The following CCNY variants were observed in gnomAD, a reference collection of about 807,000 sequenced individuals.
CCNY encodes cyclin-Y.
A neutral mutation model predicts 42.8 loss-of-function variants in CCNY; 19 were observed. That is an observed-to-expected ratio of 0.44 (90% CI 0.31 to 0.65). CCNY has a LOEUF of 0.65. Among genes scored for constraint, CCNY ranks in the 30% least tolerant of loss-of-function variants. The pLI, the probability that CCNY is intolerant of heterozygous loss-of-function variation, is 0.07. For synonymous variants in CCNY, 165 were observed against 162.7 expected (o/e 1.01, Z -0.11); for missense variants, 370 against 437.3 (o/e 0.85, Z 1.37).
chr10:35,292,066 G>A (rs574904728), intron 3 of CCNY, among the ~76,000 whole-genome samples: 17 of 152,264 alleles, frequency 1.1e-4, no homozygotes, highest in Admixed American at 2.0e-4. Flanking sequence ...CCTAGTGGGC[G>A]TGAAGTGCCA....
intron 7 of CCNY, among the ~76,000 whole-genome samples, chr10:35,550,874 C>T (rs935361156): frequency 2.0e-5 from 3 of 152,226 alleles, no homozygotes; most frequent in South Asian, 4.2e-4. Context: ...GTTCTTAAGC[C>T]TCCCCCAGGT....
intron 3 of CCNY, among the ~76,000 whole-genome samples, chr10:35,326,606 C>A (rs2135100573): frequency 6.6e-6 from 1 of 152,260 alleles, no homozygotes; most frequent in East Asian, 1.9e-4. Context: ...GGATCAGAAC[C>A]ATTGCTTCTA....
intron 3 of CCNY, among the ~76,000 whole-genome samples, chr10:35,506,644 A>G (rs1001629615): frequency 1.3e-5 from 2 of 152,194 alleles, no homozygotes; most frequent in Non-Finnish European, 2.9e-5. Flanking sequence ...GTCCATTCAA[A>G]TACAGGGCAG....
chr10:35,264,747 C>T (rs568319263), intron 3 of CCNY, among the ~76,000 whole-genome samples: 2 of 152,076 alleles, frequency 1.3e-5, no homozygotes, highest in African/African-American at 4.8e-5. Context: ...CTCAGCCTCC[C>T]AGGTTCAAGT....
At chr10:35,370,749 A>G (rs1328629060) in intron 1 of CCNY, among the ~76,000 whole-genome samples, 1 of 151,322 alleles carries the variant, frequency 6.6e-6, no homozygotes, top group Non-Finnish European at 1.5e-5. Flanking sequence ...GGAGTCTCGC[A>G]CTTTCGCCCA....
At chr10:35,504,289 T>C (rs1191851846) in intron 3 of CCNY, among the ~76,000 whole-genome samples, 1 of 152,222 alleles carries the variant, frequency 6.6e-6, no homozygotes, top group African/African-American at 2.4e-5. Context: ...AAGGCTTTCC[T>C]GGTTTCCAGC....
chr10:35,481,509 G>T (rs773504377), intron 1 of CCNY, among the ~76,000 whole-genome samples: 1 of 152,130 alleles, frequency 6.6e-6, no homozygotes, highest in Non-Finnish European at 1.5e-5. Context: ...AATAAAAGTG[G>T]GTCTTAAAGA....
At chr10:35,315,769 G>C (rs1835753137) in intron 3 of CCNY, among the ~76,000 whole-genome samples, 2 of 151,876 alleles carry the variant, frequency 1.3e-5, no homozygotes, top group South Asian at 4.2e-4. Flanking sequence ...TTATTTTTTT[G>C]ACTTTTTAGT....
At chr10:35,362,243 C>CAGA (rs1214581427) in intron 1 of CCNY, among the ~76,000 whole-genome samples, 1 of 152,130 alleles carries the variant, frequency 6.6e-6, no homozygotes, top group Non-Finnish European at 1.5e-5. Context: ...CTATGTTGTA[C>CAGA]AGAAGTAGGT....
At chr10:35,505,501 CAGCTA>C (rs1840197940) in intron 3 of CCNY, among the ~76,000 whole-genome samples, 1 of 152,046 alleles carries the variant, frequency 6.6e-6, no homozygotes, top group Non-Finnish European at 1.5e-5. Flanking sequence ...AGTTACTTAT[CAGCTA>C]AGCAAGAGTC....
rs758143772 is a variant in CCNY, at chr10:35,337,220, C to T, written c.154+13C>T. 8 of 1,511,300 alleles carry T rather than the reference C, an allele frequency of 5.3e-6. No individual in the cohort carries two copies. The highest frequency in any genetic ancestry group is 7.1e-6 in the Non-Finnish European group (8 of 1,125,562). 93.6% of individuals were successfully genotyped at this position (1,511,300 alleles called of 1,614,324 possible). Reference sequence around the variant, plus strand: ...GAGAACATAGACGGTGAGTGCGGCCCGCCGAGCCCCCTACCCGCCCCCGCG... The same window carrying T: ...GAGAACATAGACGGTGAGTGCGGCCTGCCGAGCCCCCTACCCGCCCCCGCG... On this transcript the variant is annotated intron_variant, in intron 1 of 9. Transcript: ENST00000374704.
intron 3 of CCNY, among the ~76,000 whole-genome samples, chr10:35,309,058 T>G (rs1835650375): frequency 6.6e-6 from 1 of 152,054 alleles, no homozygotes; most frequent in South Asian, 2.1e-4. Flanking sequence ...TTGTAAACAT[T>G]TGGACAGACA....
intron 3 of CCNY, among the ~76,000 whole-genome samples, chr10:35,510,711 A>C: frequency 6.6e-6 from 1 of 152,238 alleles, no homozygotes; most frequent in East Asian, 1.9e-4. Flanking sequence ...CAGGTTCTGT[A>C]TCTGAATTTT....
At chr10:35,552,539 G>C (rs1214120118) in intron 7 of CCNY, among the ~76,000 whole-genome samples, 1 of 152,086 alleles carries the variant, frequency 6.6e-6, no homozygotes, top group Non-Finnish European at 1.5e-5. Context: ...ACTGAAAATG[G>C]TTAAATGGTA....
Position 35,518,018 on chromosome 10 carries a change from C to T in CCNY, c.365+1395C>T, listed in dbSNP as rs1474593845. Among the ~76,000 whole-genome samples the T allele has an allele frequency of 2.0e-5, 3 of 152,322 alleles. No individual in the cohort carries two copies. The East Asian group carries it at 5.8e-4, about 29-fold the overall frequency. On this transcript the variant is annotated intron_variant, in intron 4 of 9. Transcript: ENST00000374704. The stretch of plus-strand genomic sequence containing the variant: ...CAGAAGCTGCTAACTTCCCTTTAAT[C>T]CTGGACTCCTCTCATTGGAAGCCAG...
intron 1 of CCNY, among the ~76,000 whole-genome samples, chr10:35,351,666 A>T (rs938515576): frequency 2.0e-5 from 3 of 152,252 alleles, no homozygotes; most frequent in Non-Finnish European, 4.4e-5. Context: ...AATTATGCTT[A>T]CAGAATATTT....
intron 7 of CCNY, among the ~76,000 whole-genome samples, chr10:35,537,088 G>T (rs536978739): frequency 2.0e-5 from 3 of 152,164 alleles, no homozygotes; most frequent in Admixed American, 2.0e-4. Flanking sequence ...TTGGTGCCCT[G>T]CATCCCAGCC....
intron 1 of CCNY, among the ~76,000 whole-genome samples, chr10:35,383,299 A>G (rs1202625438): frequency 1.3e-5 from 2 of 151,972 alleles, no homozygotes; most frequent in Non-Finnish European, 2.9e-5. Context: ...AACTTTTAGA[A>G]ACATTTTCTT....
intron 3 of CCNY, among the ~76,000 whole-genome samples, chr10:35,504,676 A>C (rs1187881372): frequency 6.6e-6 from 1 of 152,032 alleles, no homozygotes; most frequent in African/African-American, 2.4e-5. Context: ...TCGCTCTGTC[A>C]CCCAGGCTGG....
Sources: allele counts gnomAD v4.1 joint callset (sites outside exome capture counted in the v4.1 genomes callset), GRCh38; gene constraint gnomAD v4.1.1; transcripts MANE v1.5; gene names NCBI Gene and HGNC (gene_info 2026-07-23, HGNC 2026-07-21).